MTUS1: variants seen among roughly 807,000 people sequenced by gnomAD.
The protein encoded by MTUS1 is microtubule associated scaffold protein 1.
Under a neutral mutation model 120.8 loss-of-function variants are expected in MTUS1, and 109 were observed. That is an observed-to-expected ratio of 0.90 (90% CI 0.77 to 1.06). The LOEUF (loss-of-function observed/expected upper bound fraction) is 1.06, where lower values mean the gene tolerates loss of function less well. Ranked by LOEUF, MTUS1 falls within the 50% of genes least tolerant of loss-of-function variation. The probability of loss-of-function intolerance (pLI) is 0.00; values close to 1 mark genes in which losing one functional copy is unlikely to be tolerated. For missense variants in MTUS1, 2,210 were observed against 1,486.3 expected (o/e 1.49, Z -8.01); for synonymous variants, 737 against 550.5 (o/e 1.34, Z -4.74).
At chr8:17,716,019 T>C in intron 4 of MTUS1, 118 bp from the exon 5 acceptor site, 1 of 867,354 alleles carries the variant, frequency 1.2e-6, no homozygotes. Flanking sequence ...GACATGCCAG[T>C]CATTACTGAA....
At chr8:17,657,321 C>A (rs1382519548) in intron 8 of MTUS1, among the ~76,000 whole-genome samples, 1 of 151,514 alleles carries the variant, frequency 6.6e-6, no homozygotes, top group Non-Finnish European at 1.5e-5. Flanking sequence ...GTAATCCCAG[C>A]ACTTTGGGAG....
Position 17,653,186 on chromosome 8 carries a change from C to A in MTUS1, c.3384G>T (p.Leu1128Phe). 5.2e-6 allele frequency: 8 copies of A among 1,524,866 alleles called. No homozygotes were observed. Among genetic ancestry groups the A allele is most frequent in the Non-Finnish European group, 6.2e-6 (7 of 1,135,496 alleles). The allele number at this position is 1,524,866 out of a possible 1,614,324, so 94.5% of individuals were successfully genotyped here. ...TGATAAAGGAGCACACACAACTTAC[C>A]AAATTTGCTTTTTCTCTTGCTCTTC... ...QKRRAREKAN[L>F]KNPQIMYLEQ... Residue 1128 changes from leucine to phenylalanine, a missense_variant and splice_region_variant, in exon 12 of 15, where the codon TTG (leucine) becomes TTT (phenylalanine). By Grantham distance (22) the Leu-to-Phe change is conservative. Transcript: ENST00000693296.
intron 1 of MTUS1, among the ~76,000 whole-genome samples, chr8:17,764,582 G>A (rs918496567): frequency 2.6e-5 from 4 of 152,110 alleles, no homozygotes; most frequent in African/African-American, 9.7e-5. Flanking sequence ...TCTAGTCCAA[G>A]GGCTGGCAAG....
chr8:17,744,187 G>C (rs964530656), intron 2 of MTUS1, among the ~76,000 whole-genome samples: 4 of 152,090 alleles, frequency 2.6e-5, no homozygotes, highest in Admixed American at 2.6e-4. Context: ...TCTTGTAGGG[G>C]CAAATTTACA....
rs201847623 is a variant in MTUS1 at position 17,684,371 on chromosome 8, T to G, written c.2795A>C (p.Lys932Thr). Reference sequence around the variant, plus strand: ...AATCACAACTGTCAATGCCTCAAACTTGGTATTACCACAGGCAAGAAGCTG... The same window carrying G: ...AATCACAACTGTCAATGCCTCAAACGTGGTATTACCACAGGCAAGAAGCTG... ...LKQLLACGNT[K>T]FEALTVVIQH... The change falls in exon 7 of 15, where the codon AAG (lysine) becomes ACG (threonine). Residue 932 changes from lysine (K) to threonine (T), a missense_variant. Transcript: ENST00000693296. 2.2e-4 allele frequency: 358 copies of G among 1,614,090 alleles called. 1 individual carries two copies. Among genetic ancestry groups the G allele is most frequent in the South Asian group, 5.4e-4 (49 of 91,080 alleles).
chr8:17,697,490 G>C, intron 6 of MTUS1: 3 of 1,468,608 alleles, frequency 2.0e-6, no homozygotes, highest in Non-Finnish European at 2.7e-6. Flanking sequence ...TCAGAGGAAA[G>C]ATGCCTACAC....
chr8:17,766,544 A>C (rs548728651), intron 1 of MTUS1, among the ~76,000 whole-genome samples: 4 of 152,350 alleles, frequency 2.6e-5, no homozygotes, highest in Admixed American at 6.5e-5. Flanking sequence ...CTAAGAGCCC[A>C]GAGTTAAGTA....
chr8:17,793,119 A>C (rs959365193), intron 1 of MTUS1, among the ~76,000 whole-genome samples: 1 of 152,246 alleles, frequency 6.6e-6, no homozygotes, highest in African/African-American at 2.4e-5. Flanking sequence ...AGTCAAAAGA[A>C]ATTGTCAACT....
intron 1 of MTUS1, chr8:17,800,492 CAACA>C (rs2052593954): frequency 1.3e-5 from 2 of 152,152 alleles, no homozygotes. Context: ...AGTCAAAAAT[CAACA>C]AACAACTTGG....
At chr8:17,674,088 G>A (rs902169024) in intron 8 of MTUS1, among the ~76,000 whole-genome samples, 1 of 152,142 alleles carries the variant, frequency 6.6e-6, no homozygotes, top group Non-Finnish European at 1.5e-5. Context: ...GGAGCCCAGG[G>A]CAGAGAGAAG....
At chr8:17,758,441 C>CTTTTTTT (rs2048790164) in intron 1 of MTUS1, among the ~76,000 whole-genome samples, 1 of 152,174 alleles carries the variant, frequency 6.6e-6, no homozygotes, top group African/African-American at 2.4e-5. Flanking sequence ...TTTGTGAACC[C>CTTTTTTT]TTTTTACCAT....
intron 2 of MTUS1, among the ~76,000 whole-genome samples, chr8:17,753,515 G>C (rs993326314): frequency 6.6e-6 from 1 of 152,012 alleles, no homozygotes; most frequent in African/African-American, 2.4e-5. Flanking sequence ...TGAAATTGAG[G>C]ATTTTTTTTT....
At chr8:17,795,263 C>T (rs1301975421) in intron 1 of MTUS1, among the ~76,000 whole-genome samples, 2 of 152,192 alleles carry the variant, frequency 1.3e-5, no homozygotes, top group Non-Finnish European at 2.9e-5. Flanking sequence ...AAGTATGAGT[C>T]TTTCCCAAGA....
chr8:17,784,156 G>C (rs1563388005), intron 1 of MTUS1, among the ~76,000 whole-genome samples: 1 of 152,058 alleles, frequency 6.6e-6, no homozygotes, highest in Admixed American at 6.6e-5. Flanking sequence ...ACTTCCTATA[G>C]CTTAGCCGTT....
intron 6 of MTUS1, among the ~76,000 whole-genome samples, chr8:17,706,761 T>C (rs1286964451): frequency 6.6e-6 from 1 of 152,200 alleles, no homozygotes; most frequent in Admixed American, 6.5e-5. Context: ...ATGAATGTGA[T>C]ACAGAAGCAC....
intron 6 of MTUS1, chr8:17,704,191 C>T (rs994157173): frequency 1.6e-4 from 24 of 152,156 alleles, no homozygotes; most frequent in Admixed American, 1.2e-3. Flanking sequence ...TGGTAAATAA[C>T]GCCTTATCAG....
intron 6 of MTUS1, among the ~76,000 whole-genome samples, chr8:17,690,330 T>A (rs2130821965): frequency 6.6e-6 from 1 of 152,182 alleles, no homozygotes; most frequent in South Asian, 2.1e-4. Context: ...AAAACCACGA[T>A]GAGATACCAT....
At chr8:17,783,166 G>A (rs960129794) in intron 1 of MTUS1, among the ~76,000 whole-genome samples, 1 of 152,226 alleles carries the variant, frequency 6.6e-6, no homozygotes, top group Non-Finnish European at 1.5e-5. Flanking sequence ...AACCTGGCTT[G>A]ACTCTGAGCT....
rs542679160 is a variant in MTUS1, at chr8:17,777,857, T to C, written c.-154-21896A>G. Among the ~76,000 whole-genome samples, 20 of 151,516 alleles carry C rather than the reference T, an allele frequency of 1.3e-4. No individual in the cohort carries two copies. In the East Asian group the frequency reaches 3.1e-3, roughly 23 times the overall value. ...TGTGAAGACTTAGAAATGATGAAAA[T>C]GTTGACAAGAAGGAATTAGAAAACC... is the stretch of plus-strand genomic sequence containing the variant. On this transcript the variant is annotated intron_variant, in intron 1 of 14. Coordinates refer to ENST00000693296, the MANE Select transcript of MTUS1 (RefSeq NM_001363059.2).
Sources: gnomAD v4.1 joint callset for allele counts (sites outside exome capture counted in the v4.1 genomes callset) on GRCh38, gnomAD v4.1.1 for gene constraint, MANE v1.5 for transcripts, NCBI Gene and HGNC (gene_info 2026-07-23, HGNC 2026-07-21) for gene names.